Variants in RFX7 observed in about 807,000 individuals in gnomAD.
The protein encoded by RFX7 is DNA-binding protein RFX7.
RFX7 carries 26 observed loss-of-function variants against 111.8 expected under a neutral mutation model. The observed-to-expected ratio is 0.23, with a 90% CI of 0.17 to 0.32. The LOEUF is 0.32. RFX7 is among the 10% of genes least tolerant of loss of function. The pLI is 1.00. For missense variants in RFX7, 1,573 were observed against 1,772.9 expected (o/e 0.89, Z 2.02); for synonymous variants, 624 against 624.4 (o/e 1.00, Z 0.01).
At chr15:56,157,649 T>G (rs776381637) in intron 3 of RFX7, among the ~76,000 whole-genome samples, 1 of 152,216 alleles carries the variant, frequency 6.6e-6, no homozygotes, top group Non-Finnish European at 1.5e-5. Flanking sequence ...GGCACAATCT[T>G]GGCTCACTGC....
At chr15:56,151,796 T>G (rs968748606) in intron 3 of RFX7, among the ~76,000 whole-genome samples, 15 of 152,142 alleles carry the variant, frequency 9.9e-5, no homozygotes, top group African/African-American at 3.4e-4. Flanking sequence ...CCCATCAGTG[T>G]GCTGTATTCA....
rs1361854966 is a variant in RFX7, at chr15:56,090,408, C to A, written c.*2937G>T. 6.6e-6 allele frequency: 1 copy of A among 152,288 alleles called. No homozygotes were observed. Among genetic ancestry groups the A allele is most frequent in the Non-Finnish European group, 1.5e-5 (1 of 68,006 alleles). The allele number at this position is 152,288 out of a possible 1,614,324, so 9.4% of individuals were successfully genotyped here. ...CACACAGCAGATCAGCAGCACTGTT[C>A]TGCCTTCTGCTCATTTTTATTCACT... On this transcript the variant is annotated 3_prime_UTR_variant, in exon 10 of 10. Transcript: ENST00000559447.
chr15:56,225,006 A>C (rs572788029), intron 2 of RFX7, among the ~76,000 whole-genome samples: 171 of 152,272 alleles, frequency 1.1e-3, no homozygotes, highest in African/African-American at 4.1e-3. Context: ...GATTTGTATT[A>C]GTATTATAAC....
intron 5 of RFX7, among the ~76,000 whole-genome samples, chr15:56,139,328 T>C (rs1308465236): frequency 6.6e-6 from 1 of 152,096 alleles, no homozygotes; most frequent in Non-Finnish European, 1.5e-5. Flanking sequence ...TTTATTCTTT[T>C]TTCTCTAAAA....
At chr15:56,184,338 C>T (rs566240227) in intron 2 of RFX7, among the ~76,000 whole-genome samples, 1 of 151,772 alleles carries the variant, frequency 6.6e-6, no homozygotes, top group South Asian at 2.1e-4. Flanking sequence ...TGCGCCCGGA[C>T]AGTTCTAATA....
rs75842418 is a variant in RFX7, at chr15:56,143,008, C to T, written c.279-108G>A. On this transcript the variant is annotated intron_variant, in intron 4 of 9. Coordinates refer to ENST00000559447, the MANE Select transcript of RFX7 (RefSeq NM_022841.7). ...GAACTGTATACAAATACACTATCAA[C>T]GACCAAACCAAACTTAGGACATCTA... 10,923 of 1,196,282 alleles carry T rather than the reference C, an allele frequency of 9.1e-3. 390 individuals are homozygous for T. In the African/African-American group the frequency reaches 0.095, roughly 10 times the overall value. 74.1% of individuals were successfully genotyped at this position (1,196,282 alleles called of 1,614,324 possible). A position where few individuals can be genotyped will look rare whatever the true frequency, so the allele number is the denominator to read the frequency against.
intron 2 of RFX7, among the ~76,000 whole-genome samples, chr15:56,228,968 T>C (rs981417583): frequency 4.6e-5 from 7 of 152,188 alleles, no homozygotes; most frequent in Non-Finnish European, 1.0e-4. Context: ...AATAAGTAAT[T>C]ATAATACATA....
chr15:56,123,132 G>A (rs1318287982), intron 5 of RFX7, among the ~76,000 whole-genome samples: 1 of 152,070 alleles, frequency 6.6e-6, no homozygotes. Context: ...CAGAAGTCTT[G>A]CCTTGTAGCC....
At chr15:56,240,920 T>C (rs181940535) in intron 2 of RFX7, among the ~76,000 whole-genome samples, 1 of 152,128 alleles carries the variant, frequency 6.6e-6, no homozygotes, top group African/African-American at 2.4e-5. Context: ...ACTTTTGATA[T>C]CTTTATTTTA....
rs1233777643 is a variant in RFX7 at position 56,093,422 on chromosome 15, A to T, written c.4306T>A (p.Ser1436Thr). 2 of 1,613,690 alleles carry T rather than the reference A, an allele frequency of 1.2e-6. No homozygotes were observed. The highest frequency in any genetic ancestry group is 3.3e-5 in the Admixed American group (2 of 60,008). Residue 1436 changes from serine (S) to threonine (T), a missense_variant, in exon 10 of 10, where the codon TCC becomes ACC. By Grantham distance (58) the Ser-to-Thr change is moderately conservative. Coordinates refer to ENST00000559447, the MANE Select transcript of RFX7 (RefSeq NM_022841.7). ...CCTGATGAAGTCATAGAATTCATGG[A>T]TTCACTGCAAATTTGTTGAAATAAT... Reference protein sequence around the residue: ...DPLFQQICSESMNSMTSSGFE... With the variant: ...DPLFQQICSETMNSMTSSGFE...
chr15:56,107,320 A>AAAG (rs1555417205), intron 5 of RFX7, among the ~76,000 whole-genome samples: 9 of 147,948 alleles, frequency 6.1e-5, no homozygotes, highest in African/African-American at 1.5e-4. Context: ...AAAAAAAAAA[A>AAAG]AAGAAGAAAG....
At chr15:56,180,088 A>G (rs1315195030) in intron 2 of RFX7, among the ~76,000 whole-genome samples, 1 of 152,244 alleles carries the variant, frequency 6.6e-6, no homozygotes, top group Non-Finnish European at 1.5e-5. Context: ...GGAACAGTTT[A>G]CACACAATCT....
In RFX7 at chr15:56,103,700, T is replaced by G. The variant is rs142109494; in HGVS notation, c.402-30A>C. The G allele has an allele frequency of 3.5e-4, 468 of 1,349,248 alleles. 2 individuals are homozygous for G. The African/African-American group carries it at 5.7e-3, about 16-fold the overall frequency. The allele number at this position is 1,349,248 out of a possible 1,614,324, so 83.6% of individuals were successfully genotyped here. A position where few individuals can be genotyped will look rare whatever the true frequency, so the allele number is the denominator to read the frequency against. On this transcript the variant is annotated intron_variant, in intron 5 of 9. Transcript: ENST00000559447. ...AAAAGAAGGAAGGACCAATTTAGAG[T>G]GACAGAATTCAGAATTATATCGCAG...
At chr15:56,151,704 T>A (rs1436717382) in intron 3 of RFX7, among the ~76,000 whole-genome samples, 1 of 152,106 alleles carries the variant, frequency 6.6e-6, no homozygotes, top group Non-Finnish European at 1.5e-5. Context: ...AATTCACACA[T>A]AACAATATTA....
chr15:56,234,422 G>T (rs55957636), intron 2 of RFX7, among the ~76,000 whole-genome samples: 19,814 of 152,158 alleles, frequency 0.13, 1,691 homozygotes, highest in East Asian at 0.44. Flanking sequence ...TGTACATGTA[G>T]AATCTGCCTA....
chr15:56,141,656 A>ACTATATAT lies in RFX7; in HGVS notation c.401+1121_401+1122insATATATAG, dbSNP rs1555421058. Among the ~76,000 whole-genome samples the ACTATATAT allele has an allele frequency of 7.6e-4, 63 of 83,150 alleles. 3 individuals carry two copies. The highest frequency in any genetic ancestry group is 1.4e-3 in the South Asian group (4 of 2,792). 54.5% of individuals were successfully genotyped at this position (83,150 alleles called of 152,430 possible). ...TAATGAAGAATCTATGCTTACTCTA[A>ACTATATAT]ATATATATATATATATATATGCATA... is the stretch of plus-strand genomic sequence containing the variant. On this transcript the variant is annotated intron_variant, in intron 5 of 9. Transcript: ENST00000559447.
At chr15:56,117,967 C>T (rs1246657075) in intron 5 of RFX7, among the ~76,000 whole-genome samples, 1 of 152,002 alleles carries the variant, frequency 6.6e-6, no homozygotes, top group Non-Finnish European at 1.5e-5. Context: ...AGATTTCTTT[C>T]CTTTGGCTAA....
chr15:56,099,236 C>T (rs1283678454), intron 8 of RFX7, among the ~76,000 whole-genome samples: 1 of 152,110 alleles, frequency 6.6e-6, no homozygotes. Flanking sequence ...GCTGGTACAC[C>T]TTGCCCTTTC....
chr15:56,144,663 C>T (rs1297241308), intron 3 of RFX7, among the ~76,000 whole-genome samples, 180 bp from the exon 4 acceptor site: 1 of 151,886 alleles, frequency 6.6e-6, no homozygotes, highest in Non-Finnish European at 1.5e-5. Context: ...TTATTGCATA[C>T]AAAAATTTAA....
Sources: gnomAD v4.1 joint callset for allele counts (sites outside exome capture counted in the v4.1 genomes callset) on GRCh38, gnomAD v4.1.1 for gene constraint, MANE v1.5 for transcripts, NCBI Gene and HGNC (gene_info 2026-07-23, HGNC 2026-07-21) for gene names.